The following VTI1A variants were observed in gnomAD, a reference collection of about 807,000 sequenced individuals.
The protein encoded by VTI1A is vesicle transport through interaction with t-SNAREs homolog 1A.
VTI1A carries 22 observed loss-of-function variants against 34.9 expected under a neutral mutation model. The ratio of observed to expected loss-of-function variants is 0.63; its 90% CI spans 0.45 to 0.90. The LOEUF (loss-of-function observed/expected upper bound fraction) is 0.90, where lower values mean the gene tolerates loss of function less well. VTI1A is among the 40% of genes least tolerant of loss of function. VTI1A has a pLI of 0.00. For synonymous variants in VTI1A, 87 were observed against 97.3 expected, an observed-to-expected ratio of 0.89 and a Z score of 0.62; for missense variants, 268 against 275.6, an observed-to-expected ratio of 0.97 and a Z score of 0.20.
At chr10:112,688,024 G>A (rs1848483193) in intron 7 of VTI1A, among the ~76,000 whole-genome samples, 1 of 146,694 alleles carries the variant, frequency 6.8e-6, no homozygotes, top group East Asian at 2.0e-4. Context: ...CGCGATCTCA[G>A]CTTACTGCAA....
At chr10:112,568,613 T>A (rs764618276) in intron 5 of VTI1A, among the ~76,000 whole-genome samples, 1 of 152,074 alleles carries the variant, frequency 6.6e-6, no homozygotes, top group Non-Finnish European at 1.5e-5. Context: ...TGATAGCAAA[T>A]GGTTCTTGGA....
chr10:112,827,535 T>C, the VTI1A span: 1 of 152,214 alleles, frequency 6.6e-6, no homozygotes, highest in South Asian at 2.1e-4. Context: ...TCACATTTTT[T>C]TTCTAATATT....
intron 7 of VTI1A, among the ~76,000 whole-genome samples, chr10:112,785,853 G>A (rs988022131): frequency 3.3e-5 from 5 of 152,150 alleles, no homozygotes; most frequent in Non-Finnish European, 5.9e-5. Flanking sequence ...AGACTACACC[G>A]TCTTGATTAC....
intron 5 of VTI1A, among the ~76,000 whole-genome samples, chr10:112,631,104 G>C (rs916426600): frequency 5.9e-5 from 9 of 151,902 alleles, no homozygotes; most frequent in Admixed American, 5.9e-4. Flanking sequence ...ACTCCAGCCT[G>C]GGCAACAAGA....
chr10:112,782,964 C>T (rs1373816208), intron 7 of VTI1A, among the ~76,000 whole-genome samples: 1 of 152,054 alleles, frequency 6.6e-6, no homozygotes, highest in African/African-American at 2.4e-5. Context: ...ACCATCAGAT[C>T]GAAAGTGCAG....
chr10:112,569,574 C>T (rs1236162966), intron 5 of VTI1A, among the ~76,000 whole-genome samples: 1 of 152,230 alleles, frequency 6.6e-6, no homozygotes, highest in Non-Finnish European at 1.5e-5. Flanking sequence ...ACTGCCAAAG[C>T]AGTGCCATCT....
At chr10:112,680,304 AT>A (rs913551652) in intron 7 of VTI1A, among the ~76,000 whole-genome samples, 49 of 152,116 alleles carry the variant, frequency 3.2e-4, no homozygotes, top group Non-Finnish European at 6.0e-4. Context: ...CACATATATT[AT>A]TTTTTTAAGT....
At chr10:112,546,643 T>A (rs1490244268) in intron 5 of VTI1A, among the ~76,000 whole-genome samples, 2 of 152,042 alleles carry the variant, frequency 1.3e-5, no homozygotes, top group Non-Finnish European at 2.9e-5. Context: ...AAAACACATT[T>A]TATCTCTATA....
intron 7 of VTI1A, among the ~76,000 whole-genome samples, chr10:112,771,429 G>A (rs991250183): frequency 6.6e-6 from 1 of 152,214 alleles, no homozygotes; most frequent in Non-Finnish European, 1.5e-5. Context: ...CATAGGAACT[G>A]GGGAGGGAAC....
chr10:112,549,551 G>T (rs1851266745), intron 5 of VTI1A, among the ~76,000 whole-genome samples: 1 of 152,196 alleles, frequency 6.6e-6, no homozygotes, highest in African/African-American at 2.4e-5. Context: ...GGATTCTACA[G>T]TTGGGTTGAT....
chr10:112,657,479 A>ATT (rs1402233700), intron 5 of VTI1A, among the ~76,000 whole-genome samples: 1 of 152,136 alleles, frequency 6.6e-6, no homozygotes, highest in East Asian at 1.9e-4. Context: ...TACAAATTAG[A>ATT]TTTTTTTTAA....
intron 7 of VTI1A, among the ~76,000 whole-genome samples, chr10:112,774,146 G>A (rs971476201): frequency 6.6e-6 from 1 of 152,224 alleles, no homozygotes; most frequent in African/African-American, 2.4e-5. Context: ...TGTGGAGGGT[G>A]TTGGAGAAAA....
intron 5 of VTI1A, among the ~76,000 whole-genome samples, chr10:112,631,264 T>C (rs1427787599): frequency 6.6e-6 from 1 of 152,220 alleles, no homozygotes; most frequent in Admixed American, 6.5e-5. Flanking sequence ...TTTAATGAGG[T>C]ACAATTCACG....
At chr10:112,836,917 A>G in the VTI1A span, among the ~76,000 whole-genome samples, 3 of 152,198 alleles carry the variant, frequency 2.0e-5, no homozygotes, top group Non-Finnish European at 4.4e-5. Context: ...CAAGTTAAAC[A>G]TTGTTCAAAG....
the VTI1A span, among the ~76,000 whole-genome samples, chr10:112,835,838 G>T: frequency 4.0e-5 from 6 of 151,828 alleles, no homozygotes; most frequent in Non-Finnish European, 8.8e-5. Flanking sequence ...TATTGGGGTA[G>T]GGGGGGCAGT....
In VTI1A at chr10:112,461,120, G is replaced by T. The variant is rs118048513; in HGVS notation, c.153+538G>T. On this transcript the variant is annotated intron_variant, in intron 2 of 7. Transcript: ENST00000393077. Reference sequence around the variant, plus strand: ...AACAATAGCAGTTGCCTGTGTTTCAGGCTGGTTGCATCAGTTCCTGAGTCT... The same window carrying T: ...AACAATAGCAGTTGCCTGTGTTTCATGCTGGTTGCATCAGTTCCTGAGTCT... Among the ~76,000 whole-genome samples the T allele has an allele frequency of 2.6e-4, 39 of 152,302 alleles. No homozygotes were observed. The East Asian group carries it at 7.5e-3, about 29-fold the overall frequency.
At chr10:112,847,439 C>A in the VTI1A span, among the ~76,000 whole-genome samples, 1 of 152,156 alleles carries the variant, frequency 6.6e-6, no homozygotes, top group Non-Finnish European at 1.5e-5. Flanking sequence ...TATGTCACCT[C>A]TTCCTTCTAT....
At chr10:112,547,193 T>C (rs1851162914) in intron 5 of VTI1A, among the ~76,000 whole-genome samples, 1 of 152,046 alleles carries the variant, frequency 6.6e-6, no homozygotes, top group Non-Finnish European at 1.5e-5. Context: ...GGTGGGAGGA[T>C]GACTTGAGCC....
intron 7 of VTI1A, among the ~76,000 whole-genome samples, chr10:112,787,698 C>CTTTTTTTTTTTTTTT (rs34862909): frequency 1.9e-5 from 2 of 103,250 alleles, no homozygotes; most frequent in African/African-American, 3.9e-5. Flanking sequence ...TTTTTCTTTT[C>CTTTTTTTTTTTTTTT]TTTTTTTTTT....
Sources: allele counts gnomAD v4.1 joint callset (sites outside exome capture counted in the v4.1 genomes callset), GRCh38; gene constraint gnomAD v4.1.1; transcripts MANE v1.5; gene names NCBI Gene and HGNC (gene_info 2026-07-23, HGNC 2026-07-21).